CDH13: variants seen among roughly 807,000 people sequenced by gnomAD.
CDH13 encodes cadherin 13, also known as cadherin-13.
CDH13 carries 24 observed loss-of-function variants against 63.8 expected under a neutral mutation model. That is an observed-to-expected ratio of 0.38 (90% CI 0.27 to 0.53). CDH13 has a LOEUF of 0.53. Among genes scored for constraint, CDH13 ranks in the 20% least tolerant of loss-of-function variants. CDH13 has a pLI of 0.85. For synonymous variants in CDH13, 503 were observed against 355.3 expected, an observed-to-expected ratio of 1.42 and a Z score of -4.67; for missense variants, 1,049 against 903.1, an observed-to-expected ratio of 1.16 and a Z score of -2.07.
At chr16:82,984,882 C>T (rs571377895) in intron 2 of CDH13, among the ~76,000 whole-genome samples, 25 of 152,272 alleles carry the variant, frequency 1.6e-4, no homozygotes, top group African/African-American at 6.0e-4. Flanking sequence ...ATGTTATAAT[C>T]ACTGCTTTTA....
At chr16:83,694,805 A>C (rs1905219219) in intron 10 of CDH13, among the ~76,000 whole-genome samples, 1 of 152,240 alleles carries the variant, frequency 6.6e-6, no homozygotes, top group Non-Finnish European at 1.5e-5. Context: ...GGGCTGGACT[A>C]GGGAGAGTCA....
At chr16:83,751,068 G>C (rs1233986094) in intron 11 of CDH13, among the ~76,000 whole-genome samples, 1 of 152,128 alleles carries the variant, frequency 6.6e-6, no homozygotes, top group Admixed American at 6.5e-5. Context: ...TAGCATGGCA[G>C]GTTCTTTGTG....
chr16:82,806,004 AT>A (rs1258866504), intron 1 of CDH13, among the ~76,000 whole-genome samples: 1 of 152,086 alleles, frequency 6.6e-6, no homozygotes, highest in Non-Finnish European at 1.5e-5. Flanking sequence ...TCTAATTTTC[AT>A]TGAGCTTACA....
chr16:82,691,338 G>A (rs1449865794), intron 1 of CDH13, among the ~76,000 whole-genome samples: 2 of 152,168 alleles, frequency 1.3e-5, no homozygotes, highest in Admixed American at 6.5e-5. Flanking sequence ...GCCAGTAGCA[G>A]CTTGCATAGC....
At chr16:83,092,840 G>A (rs973588989) in intron 3 of CDH13, among the ~76,000 whole-genome samples, 1 of 152,136 alleles carries the variant, frequency 6.6e-6, no homozygotes, top group African/African-American at 2.4e-5. Context: ...TTTTTCTTAA[G>A]TATAACATTG....
At chr16:83,448,526 A>T (rs1371244327) in intron 6 of CDH13, among the ~76,000 whole-genome samples, 3 of 152,170 alleles carry the variant, frequency 2.0e-5, no homozygotes, top group African/African-American at 7.2e-5. Flanking sequence ...CAGCACTATG[A>T]TAGGGGCCTC....
At chr16:83,304,104 G>A (rs1055560403) in intron 5 of CDH13, among the ~76,000 whole-genome samples, 1 of 152,186 alleles carries the variant, frequency 6.6e-6, no homozygotes, top group Admixed American at 6.5e-5. Flanking sequence ...ACTAGACTAT[G>A]GGGGTAGCGC....
At chr16:82,759,746 T>C (rs1265713835) in intron 1 of CDH13, among the ~76,000 whole-genome samples, 2 of 152,100 alleles carry the variant, frequency 1.3e-5, no homozygotes, top group African/African-American at 4.8e-5. Flanking sequence ...GAATGGTCTA[T>C]AGAATTCAAA....
chr16:82,961,220 C>G (rs1438836533), intron 2 of CDH13, among the ~76,000 whole-genome samples: 1 of 152,178 alleles, frequency 6.6e-6, no homozygotes, highest in Non-Finnish European at 1.5e-5. Context: ...GGACTTCCCA[C>G]CACAAGTCAA....
intron 8 of CDH13, among the ~76,000 whole-genome samples, chr16:83,656,653 A>G (rs1912898827): frequency 1.3e-5 from 2 of 152,210 alleles, no homozygotes; most frequent in African/African-American, 2.4e-5. Context: ...TGGAATCTTG[A>G]TCAAGGCTCC....
intron 5 of CDH13, among the ~76,000 whole-genome samples, chr16:83,329,485 C>A (rs75225088): frequency 1.3e-5 from 2 of 151,828 alleles, no homozygotes; most frequent in Non-Finnish European, 2.9e-5. Context: ...GATGTGGCCA[C>A]CTCGATCTCC....
chr16:82,673,129 A>G (rs1168680638), intron 1 of CDH13, among the ~76,000 whole-genome samples: 1 of 147,948 alleles, frequency 6.8e-6, no homozygotes, highest in East Asian at 2.0e-4. Context: ...GGCATCAGTC[A>G]CTGTGCCCAG....
At chr16:82,827,599 C>T (rs1238911569) in intron 1 of CDH13, among the ~76,000 whole-genome samples, 1 of 152,158 alleles carries the variant, frequency 6.6e-6, no homozygotes, top group Non-Finnish European at 1.5e-5. Flanking sequence ...TAACTTCCTA[C>T]TGGGCAACGT....
chr16:83,026,640 T>A (rs921346819), intron 2 of CDH13, among the ~76,000 whole-genome samples: 1 of 152,040 alleles, frequency 6.6e-6, no homozygotes, highest in Admixed American at 6.6e-5. Flanking sequence ...GGGGAGTAGA[T>A]AATGAAAAAA....
At chr16:82,914,164 C>G (rs528978562) in intron 2 of CDH13, among the ~76,000 whole-genome samples, 4 of 152,276 alleles carry the variant, frequency 2.6e-5, no homozygotes, top group African/African-American at 9.6e-5. Context: ...AGATCCTTCA[C>G]TAGACTCTAG....
chr16:82,683,174 G>A (rs781477419), intron 1 of CDH13, among the ~76,000 whole-genome samples: 1 of 152,178 alleles, frequency 6.6e-6, no homozygotes, highest in Non-Finnish European at 1.5e-5. Context: ...TCGCCCTGGT[G>A]TGGTCTTACT....
chr16:82,817,511 A>T (rs1024242360), intron 1 of CDH13, among the ~76,000 whole-genome samples: 3 of 152,190 alleles, frequency 2.0e-5, no homozygotes, highest in Non-Finnish European at 4.4e-5. Context: ...ACATATATAC[A>T]TACAAATATA....
At chr16:83,792,025 C>G (rs529622193) in intron 13 of CDH13, among the ~76,000 whole-genome samples, 1 of 152,240 alleles carries the variant, frequency 6.6e-6, no homozygotes, top group African/African-American at 2.4e-5. Context: ...AATCCAGGCT[C>G]TCATTGATCT....
At chr16:83,636,980 T>C (rs1203014181) in intron 8 of CDH13, among the ~76,000 whole-genome samples, 1 of 152,242 alleles carries the variant, frequency 6.6e-6, no homozygotes, top group Non-Finnish European at 1.5e-5. Context: ...TAACTCATTA[T>C]GGTTTTGATT....
Sources: allele counts gnomAD v4.1 joint callset (sites outside exome capture counted in the v4.1 genomes callset), GRCh38; gene constraint gnomAD v4.1.1; transcripts MANE v1.5; gene names NCBI Gene and HGNC (gene_info 2026-07-23, HGNC 2026-07-21).